The following TRHDE variants were observed in gnomAD, a reference collection of about 807,000 sequenced individuals.
TRHDE encodes thyrotropin releasing hormone degrading enzyme.
TRHDE carries 72 observed loss-of-function variants against 125.7 expected under a neutral mutation model. The ratio of observed to expected loss-of-function variants is 0.57; its 90% CI spans 0.47 to 0.70. TRHDE has a LOEUF of 0.70. Among genes scored for constraint, TRHDE ranks in the 30% least tolerant of loss-of-function variants. The pLI is 0.00. For synonymous variants in TRHDE, 509 were observed against 509.1 expected (o/e 1.00, Z 0.00); for missense variants, 1,110 against 1,327.1 (o/e 0.84, Z 2.54).
intron 3 of TRHDE, among the ~76,000 whole-genome samples, chr12:72,443,679 A>G (rs951829766): frequency 6.6e-6 from 1 of 151,766 alleles, no homozygotes; most frequent in African/African-American, 2.4e-5. Context: ...TTGTGACAAT[A>G]TGGTCAGGAA....
intron 2 of TRHDE, among the ~76,000 whole-genome samples, chr12:72,299,511 C>T (rs1487077451): frequency 6.6e-6 from 1 of 152,140 alleles, no homozygotes; most frequent in Non-Finnish European, 1.5e-5. Flanking sequence ...CATCTTAAAA[C>T]CATAGAAAAA....
chr12:72,141,448 C>G (rs1243741030), intron 2 of TRHDE, among the ~76,000 whole-genome samples: 18 of 152,120 alleles, frequency 1.2e-4, no homozygotes, highest in Admixed American at 1.2e-3. Flanking sequence ...CATTCATTAG[C>G]TAGTCCTGAA....
chr12:72,434,218 C>G (rs1159407114), intron 3 of TRHDE, among the ~76,000 whole-genome samples: 3 of 151,798 alleles, frequency 2.0e-5, no homozygotes, highest in African/African-American at 7.3e-5. Context: ...AACCCTGTCT[C>G]TACTAAAAAT....
chr12:72,158,574 T>G (rs1210441695), intron 2 of TRHDE, among the ~76,000 whole-genome samples: 1 of 152,164 alleles, frequency 6.6e-6, no homozygotes. Flanking sequence ...CCATTTATTA[T>G]TCAGTCTTAT....
intron 12 of TRHDE, among the ~76,000 whole-genome samples, chr12:72,611,786 T>G (rs3843025): frequency 1.3e-5 from 2 of 152,024 alleles, no homozygotes; most frequent in African/African-American, 4.8e-5. Flanking sequence ...CAGTAAGAGA[T>G]AAAAAGGAGA....
upstream of TRHDE, among the ~76,000 whole-genome samples, chr12:72,267,619 CTGGGCGACAGAG>C (rs1184874484): frequency 2.3e-4 from 35 of 151,850 alleles, no homozygotes; most frequent in African/African-American, 8.2e-4. Flanking sequence ...GCACTCCAGC[CTGGGCGACAGAG>C]TGAGACCTAA....
intron 2 of TRHDE, among the ~76,000 whole-genome samples, chr12:72,325,814 G>A (rs1051093771): frequency 6.6e-6 from 1 of 151,822 alleles, no homozygotes; most frequent in African/African-American, 2.4e-5. Flanking sequence ...TAGGTTTGGG[G>A]TTTTTTTTGC....
chr12:72,146,025 C>T (rs1481922282), intron 2 of TRHDE, among the ~76,000 whole-genome samples: 1 of 152,100 alleles, frequency 6.6e-6, no homozygotes, highest in East Asian at 1.9e-4. Flanking sequence ...TTATCTCCTA[C>T]TAGGCATTTC....
chr12:72,644,787 C>A (rs1278789282), intron 15 of TRHDE, among the ~76,000 whole-genome samples: 1 of 152,050 alleles, frequency 6.6e-6, no homozygotes, highest in Non-Finnish European at 1.5e-5. Context: ...TCTGGGGCAC[C>A]CCAAAGAATT....
At chr12:72,225,027 A>G (rs887476192) in intron 2 of TRHDE, among the ~76,000 whole-genome samples, 1 of 152,194 alleles carries the variant, frequency 6.6e-6, no homozygotes, top group Non-Finnish European at 1.5e-5. Context: ...CTCCATTTGC[A>G]TTGATCTTAA....
intron 2 of TRHDE, among the ~76,000 whole-genome samples, chr12:72,148,931 C>T (rs1280903252): frequency 2.0e-5 from 3 of 152,076 alleles, no homozygotes; most frequent in Non-Finnish European, 4.4e-5. Context: ...CAGACAGCTC[C>T]ATATAGGACA....
intron 2 of TRHDE, among the ~76,000 whole-genome samples, chr12:72,106,885 C>G (rs1875199190): frequency 6.6e-6 from 1 of 152,056 alleles, no homozygotes; most frequent in Non-Finnish European, 1.5e-5. Context: ...AAAATACTTT[C>G]TGATCTGTGA....
At chr12:72,522,627 A>G (rs1565777229) in intron 6 of TRHDE, among the ~76,000 whole-genome samples, 1 of 152,218 alleles carries the variant, frequency 6.6e-6, no homozygotes, top group Non-Finnish European at 1.5e-5. Context: ...TACTTTATTA[A>G]TAAGTGTTCC....
intron 2 of TRHDE, among the ~76,000 whole-genome samples, chr12:72,357,039 G>A (rs1870855701): frequency 6.6e-6 from 1 of 151,466 alleles, no homozygotes; most frequent in Non-Finnish European, 1.5e-5. Context: ...TGTTTAATCT[G>A]TATTCAGTTC....
chr12:72,458,920 A>G (rs1392875277), intron 3 of TRHDE, among the ~76,000 whole-genome samples: 2 of 152,198 alleles, frequency 1.3e-5, no homozygotes, highest in African/African-American at 2.4e-5. Flanking sequence ...TGATGATGAT[A>G]ATAACTGTAT....
chr12:72,589,714 A>G (rs1871590444), intron 12 of TRHDE, among the ~76,000 whole-genome samples: 1 of 151,922 alleles, frequency 6.6e-6, no homozygotes, highest in Non-Finnish European at 1.5e-5. Context: ...ATATTCTCTT[A>G]TTATTCTTAT....
At chr12:72,215,719 T>C (rs911579476) in intron 2 of TRHDE, among the ~76,000 whole-genome samples, 1 of 152,128 alleles carries the variant, frequency 6.6e-6, no homozygotes, top group Non-Finnish European at 1.5e-5. Flanking sequence ...AAAGGACAGA[T>C]GGAAATGTGC....
At chr12:72,352,130 T>C (rs999089991) in intron 2 of TRHDE, among the ~76,000 whole-genome samples, 1 of 151,852 alleles carries the variant, frequency 6.6e-6, no homozygotes, top group African/African-American at 2.4e-5. Context: ...TTGTTGTCAA[T>C]TTTTCCTTGC....
At chr12:72,109,291 C>T (rs1049609514) in intron 2 of TRHDE, among the ~76,000 whole-genome samples, 1 of 151,978 alleles carries the variant, frequency 6.6e-6, no homozygotes, top group African/African-American at 2.4e-5. Context: ...CTCTCTCATA[C>T]TATAAAAGAT....
Sources: allele counts gnomAD v4.1 joint callset (sites outside exome capture counted in the v4.1 genomes callset), GRCh38; gene constraint gnomAD v4.1.1; transcripts MANE v1.5; gene names NCBI Gene and HGNC (gene_info 2026-07-23, HGNC 2026-07-21).